Variants in MREG observed in about 807,000 individuals in gnomAD.
The protein encoded by MREG is melanoregulin, also known as dilute suppressor protein homolog.
Under a neutral mutation model 28.5 loss-of-function variants are expected in MREG, and 31 were observed. The ratio of observed to expected loss-of-function variants is 1.09; its 90% CI spans 0.82 to 1.47. MREG has a LOEUF of 1.47. Among genes scored for constraint, MREG ranks in the 40% most tolerant of loss-of-function variants. The pLI is 0.00. For synonymous variants in MREG, 106 were observed against 95.2 expected, an observed-to-expected ratio of 1.11 and a Z score of -0.66; for missense variants, 256 against 257.4, an observed-to-expected ratio of 0.99 and a Z score of 0.04.
At chr2:216,021,613 T>C (rs993130190) in intron 1 of MREG, among the ~76,000 whole-genome samples, 4 of 152,114 alleles carry the variant, frequency 2.6e-5, no homozygotes, top group African/African-American at 9.7e-5. Context: ...TTCCAGAGGC[T>C]TGGGAATTCT....
chr2:215,970,436 A>G (rs907259241), intron 2 of MREG, among the ~76,000 whole-genome samples: 1 of 152,218 alleles, frequency 6.6e-6, no homozygotes, highest in African/African-American at 2.4e-5. Context: ...CACCCACCAA[A>G]TGAATGTATT....
downstream of MREG, among the ~76,000 whole-genome samples, chr2:215,940,427 G>A (rs1166569277): frequency 6.6e-6 from 1 of 152,218 alleles, no homozygotes; most frequent in Non-Finnish European, 1.5e-5. Context: ...AGCCAGGGTT[G>A]TGCCATGATC....
intron 2 of MREG, among the ~76,000 whole-genome samples, chr2:215,974,898 T>G (rs1270986306): frequency 1.3e-5 from 2 of 149,878 alleles, no homozygotes; most frequent in Admixed American, 1.3e-4. Flanking sequence ...TCCCACTTTC[T>G]CCAGCACACC....
intron 1 of MREG, among the ~76,000 whole-genome samples, chr2:215,998,497 C>T (rs964010389): frequency 6.6e-5 from 10 of 151,972 alleles, no homozygotes; most frequent in African/African-American, 1.9e-4. Context: ...CTTGTGGCTG[C>T]AGGTCAGAAG....
rs77341103 is a variant in MREG, at chr2:215,980,584, G to A, written c.255+15722C>T. ...TCTACTTTATGCAGGTGTGAAAACT[G>A]ATCAGTACGAAGCTGTCAGCTATTT... On this transcript the variant is annotated intron_variant, in intron 2 of 4. Transcript: ENST00000263268. Among the ~76,000 whole-genome samples, 924 of 152,334 alleles carry A rather than the reference G, an allele frequency of 6.1e-3. 5 individuals are homozygous for A. The highest frequency in any genetic ancestry group is 0.021 in the African/African-American group (854 of 41,570).
rs1332869944 is a variant in MREG, at chr2:216,010,352, C to CTATTTT, written c.95+2880_95+2881insAAAATA. Among the ~76,000 whole-genome samples, 12 of 75,660 alleles carry CTATTTT rather than the reference C, an allele frequency of 1.6e-4. 1 individual carries two copies. Among genetic ancestry groups the CTATTTT allele is most frequent in the African/African-American group, 5.4e-4 (11 of 20,420 alleles). 49.6% of individuals were successfully genotyped at this position (75,660 alleles called of 152,430 possible). ...TCTAGAACTGTGAAAGAAAAGATTT[C>CTATTTT]TCTTTTTTTTTTTTTTTTTTTTTGA... On this transcript the variant is annotated intron_variant, in intron 1 of 4. Coordinates refer to ENST00000263268, the MANE Select transcript of MREG (RefSeq NM_018000.3).
At chr2:216,033,850 G>T (rs576836413), upstream of MREG, 4 of 152,292 alleles carry the variant, frequency 2.6e-5, no homozygotes, top group South Asian at 4.1e-4. Flanking sequence ...AGAGGGCCTT[G>T]GTTACCATAC....
At chr2:216,008,725 T>G (rs371418025) in intron 1 of MREG, among the ~76,000 whole-genome samples, 1 of 152,224 alleles carries the variant, frequency 6.6e-6, no homozygotes, top group East Asian at 1.9e-4. Context: ...AAAAAGGAAT[T>G]GATCAGGACC....
chr2:216,014,253 G>A (rs1269349796), upstream of MREG, among the ~76,000 whole-genome samples: 1 of 152,082 alleles, frequency 6.6e-6, no homozygotes, highest in Non-Finnish European at 1.5e-5. Flanking sequence ...TACTTACTCA[G>A]ACCCCTATTG....
chr2:215,982,637 A>G (rs1693461753), intron 2 of MREG, among the ~76,000 whole-genome samples: 2 of 152,186 alleles, frequency 1.3e-5, no homozygotes, highest in Non-Finnish European at 2.9e-5. Context: ...CGAGGCAGGA[A>G]GCCAATAACT....
At chr2:215,968,627 C>T (rs1693008695) in intron 2 of MREG, among the ~76,000 whole-genome samples, 1 of 152,204 alleles carries the variant, frequency 6.6e-6, no homozygotes, top group African/African-American at 2.4e-5. Flanking sequence ...TTCCCTCTTA[C>T]AAGCTTCCCC....
At chr2:215,991,501 C>G (rs1349430767) in intron 2 of MREG, among the ~76,000 whole-genome samples, 2 of 150,370 alleles carry the variant, frequency 1.3e-5, no homozygotes, top group African/African-American at 2.5e-5. Flanking sequence ...CAAGAGCAAA[C>G]AAATTCAAAA....
In MREG at chr2:216,013,430, G is replaced by T. The variant is rs998908646; in HGVS notation, c.-103C>A. The T allele has an allele frequency of 4.1e-6, 3 of 735,600 alleles. No individual in the cohort carries two copies. Among genetic ancestry groups the T allele is most frequent in the African/African-American group, 3.8e-5 (2 of 53,252 alleles). The allele number at this position is 735,600 out of a possible 1,614,324, so 45.6% of individuals were successfully genotyped here. ...CACCGCGCCAGCGTCCAGGTGCGGG[G>T]ACAGCGGCAGCCCGGGCGTCGCGGG... On this transcript the variant is annotated 5_prime_UTR_variant, in exon 1 of 5. Transcript: ENST00000263268.
chr2:215,948,280 G>A (rs1692373389), intron 2 of MREG, among the ~76,000 whole-genome samples: 1 of 152,200 alleles, frequency 6.6e-6, no homozygotes, highest in Non-Finnish European at 1.5e-5. Flanking sequence ...ACTGTGTTTT[G>A]TTACGACGGC....
At chr2:215,953,593 C>G (rs771843806) in intron 2 of MREG, among the ~76,000 whole-genome samples, 6 of 152,226 alleles carry the variant, frequency 3.9e-5, no homozygotes. Context: ...TGGAAATGCT[C>G]TCATCACTTT....
At chr2:215,968,741 ATAAT>A (rs1693011162) in intron 2 of MREG, among the ~76,000 whole-genome samples, 1 of 152,148 alleles carries the variant, frequency 6.6e-6, no homozygotes, top group African/African-American at 2.4e-5. Context: ...TTTGCTAAAC[ATAAT>A]TAATCTGTCT....
chr2:215,998,825 G>A lies in MREG; in HGVS notation c.96-2360C>T, dbSNP rs375484964. On this transcript the variant is annotated intron_variant, in intron 1 of 4. Transcript: ENST00000263268. Reference sequence around the variant, plus strand: ...AAATGCCTGCTGTATACTGAGTACCGGGCTGGGTGCCATGGGGACATGAAG... The same window carrying A: ...AAATGCCTGCTGTATACTGAGTACCAGGCTGGGTGCCATGGGGACATGAAG... Among the ~76,000 whole-genome samples, 17 of 152,274 alleles carry A rather than the reference G, an allele frequency of 1.1e-4. No homozygotes were observed. In the East Asian group the frequency reaches 2.5e-3, roughly 22 times the overall value.
rs1574587945 is a variant in MREG, at chr2:215,947,041, A to G, written c.328T>C (p.Cys110Arg). The G allele has an allele frequency of 1.9e-6, 3 of 1,605,676 alleles. No homozygotes were observed. Among genetic ancestry groups the G allele is most frequent in the Non-Finnish European group, 2.6e-6 (3 of 1,172,638 alleles). ...GACTTACCTAAATCTTCTAAGATGC[A>G]CTTCCATCTGTTTCTTACTTCCCTT... ...VRREVRNRWK[C>R]ILEDLGFQKE... Residue 110 changes from cysteine to arginine, a missense_variant, in exon 3 of 5, where the codon TGC (cysteine) becomes CGC (arginine). By Grantham distance (180) the Cys-to-Arg change is radical (BLOSUM62 -3). Transcript: ENST00000263268.
intron 2 of MREG, among the ~76,000 whole-genome samples, chr2:215,990,308 T>C (rs1027993564): frequency 1.4e-4 from 21 of 151,992 alleles, no homozygotes; most frequent in African/African-American, 5.1e-4. Context: ...GCTTCATAAG[T>C]GAAAGAGAAA....
Sources: allele counts gnomAD v4.1 joint callset (sites outside exome capture counted in the v4.1 genomes callset), GRCh38; gene constraint gnomAD v4.1.1; transcripts MANE v1.5; gene names NCBI Gene and HGNC (gene_info 2026-07-23, HGNC 2026-07-21).